The following DLG2 variants were observed in gnomAD, a reference collection of about 807,000 sequenced individuals.
DLG2 encodes the protein disks large homolog 2.
A neutral mutation model predicts 132.5 loss-of-function variants in DLG2; 45 were observed. The observed-to-expected ratio is 0.34, with a 90% CI of 0.27 to 0.44. The LOEUF (loss-of-function observed/expected upper bound fraction) is 0.44, where lower values mean the gene tolerates loss of function less well. Among genes scored for constraint, DLG2 ranks in the 20% least tolerant of loss-of-function variants. The probability of loss-of-function intolerance (pLI) is 1.00; values close to 1 mark genes in which losing one functional copy is unlikely to be tolerated. For missense variants in DLG2, 1,045 were observed against 1,196.9 expected (o/e 0.87, Z 1.87); for synonymous variants, 424 against 419.6 (o/e 1.01, Z -0.13).
intron 7 of DLG2, among the ~76,000 whole-genome samples, chr11:84,320,840 G>A (rs943141350): frequency 1.3e-5 from 2 of 152,238 alleles, no homozygotes; most frequent in African/African-American, 2.4e-5. Flanking sequence ...ATTTGGGTGA[G>A]TGTTGATGGG....
At chr11:84,969,789 C>G (rs959645298) in intron 6 of DLG2, among the ~76,000 whole-genome samples, 2 of 152,076 alleles carry the variant, frequency 1.3e-5, no homozygotes, top group African/African-American at 2.4e-5. Context: ...CAATGACAGA[C>G]TGGATAAAGA....
At chr11:84,471,298 C>A (rs536683962) in intron 7 of DLG2, among the ~76,000 whole-genome samples, 100 of 151,768 alleles carry the variant, frequency 6.6e-4, no homozygotes, top group South Asian at 2.9e-3. Flanking sequence ...CTGTTCACCC[C>A]TTCCCTTTCC....
chr11:84,381,047 A>T (rs1460364894), intron 7 of DLG2, among the ~76,000 whole-genome samples: 1 of 151,996 alleles, frequency 6.6e-6, no homozygotes, highest in Non-Finnish European at 1.5e-5. Flanking sequence ...AAAGGGAGAC[A>T]TATCAAGATA....
chr11:85,023,526 G>A lies in DLG2; in HGVS notation c.357+88135C>T, dbSNP rs1592842126. Among the ~76,000 whole-genome samples, 4 of 151,640 alleles carry A rather than the reference G, an allele frequency of 2.6e-5. No homozygotes were observed. The South Asian group carries it at 8.3e-4, about 31-fold the overall frequency. On this transcript the variant is annotated intron_variant, in intron 6 of 27. Coordinates refer to ENST00000376104, the MANE Select transcript of DLG2 (RefSeq NM_001142699.3). ...TTGTATTAAGATTTTGACCCATTTTGAATTAATATAAATATTTAGAGCACA... is the reference window on the plus strand; with the variant it reads ...TTGTATTAAGATTTTGACCCATTTTAAATTAATATAAATATTTAGAGCACA...
At chr11:83,516,602 G>A (rs1319112783) in intron 21 of DLG2, among the ~76,000 whole-genome samples, 1 of 152,194 alleles carries the variant, frequency 6.6e-6, no homozygotes, top group African/African-American at 2.4e-5. Flanking sequence ...GTTAGTTGAT[G>A]CAGTTTCCTC....
intron 6 of DLG2, among the ~76,000 whole-genome samples, chr11:84,900,389 T>C (rs1336258359): frequency 6.6e-6 from 1 of 152,048 alleles, no homozygotes; most frequent in Non-Finnish European, 1.5e-5. Context: ...TGTTAAACTC[T>C]AACAGGCACT....
At chr11:84,463,344 C>A (rs563246303) in intron 7 of DLG2, among the ~76,000 whole-genome samples, 14 of 151,154 alleles carry the variant, frequency 9.3e-5, no homozygotes, top group African/African-American at 3.4e-4. Flanking sequence ...CCATCCTCCT[C>A]AGGAATATCA....
chr11:85,388,701 C>A (rs1340921404), intron 3 of DLG2, among the ~76,000 whole-genome samples: 2 of 152,166 alleles, frequency 1.3e-5, no homozygotes, highest in African/African-American at 4.8e-5. Context: ...CCAGTACCAG[C>A]CAGAAGCCTG....
At chr11:83,920,305 G>A (rs2077629863) in intron 15 of DLG2, among the ~76,000 whole-genome samples, 1 of 151,780 alleles carries the variant, frequency 6.6e-6, no homozygotes, top group Admixed American at 6.6e-5. Context: ...TGAGCTGAAG[G>A]TCTACAGAAC....
At chr11:83,469,965 T>C (rs940656725) in intron 24 of DLG2, among the ~76,000 whole-genome samples, 1 of 152,130 alleles carries the variant, frequency 6.6e-6, no homozygotes, top group African/African-American at 2.4e-5. Context: ...ACTCTAACCA[T>C]TTCACCTAAA....
intron 4 of DLG2, among the ~76,000 whole-genome samples, chr11:85,200,601 G>C (rs1375877265): frequency 6.6e-6 from 1 of 151,880 alleles, no homozygotes; most frequent in East Asian, 1.9e-4. Context: ...ATATTTCTCT[G>C]AGCCAATAAG....
chr11:85,053,886 G>T (rs926142133), intron 6 of DLG2, among the ~76,000 whole-genome samples: 2 of 151,086 alleles, frequency 1.3e-5, no homozygotes, highest in Non-Finnish European at 2.9e-5. Flanking sequence ...ACAAAAATAT[G>T]GGTCAATTAA....
At chr11:84,777,303 A>ATATATATATATATG in intron 6 of DLG2, among the ~76,000 whole-genome samples, 1 of 132,338 alleles carries the variant, frequency 7.6e-6, no homozygotes, top group Admixed American at 8.0e-5. Flanking sequence ...ATATATATAT[A>ATATATATATATATG]TATATATATA....
At chr11:85,501,079 C>A (rs577236757) in intron 3 of DLG2, among the ~76,000 whole-genome samples, 1 of 152,200 alleles carries the variant, frequency 6.6e-6, no homozygotes, top group African/African-American at 2.4e-5. Context: ...ATATATAAAC[C>A]AATGGAATAG....
intron 6 of DLG2, among the ~76,000 whole-genome samples, chr11:85,024,351 A>G (rs2154141503): frequency 6.6e-6 from 1 of 152,294 alleles, no homozygotes; most frequent in South Asian, 2.1e-4. Flanking sequence ...AACCTTTGTT[A>G]AACAACCTCA....
chr11:83,825,525 T>C (rs1273379031), intron 17 of DLG2, among the ~76,000 whole-genome samples: 1 of 152,084 alleles, frequency 6.6e-6, no homozygotes, highest in Non-Finnish European at 1.5e-5. Context: ...CCGGATTCTA[T>C]GTCAGACAAT....
intron 6 of DLG2, among the ~76,000 whole-genome samples, chr11:84,766,606 G>C (rs764624931): frequency 1.3e-3 from 196 of 152,080 alleles, no homozygotes; most frequent in Admixed American, 1.9e-3. Context: ...GAAATTAACC[G>C]ACTTACTGGA....
intron 7 of DLG2, among the ~76,000 whole-genome samples, chr11:84,338,721 G>A (rs1430401276): frequency 2.0e-5 from 3 of 152,162 alleles, no homozygotes; most frequent in Non-Finnish European, 2.9e-5. Flanking sequence ...CAGGAGAATC[G>A]CTTGAGTCCA....
At chr11:84,124,684 C>A (rs1197811862) in intron 9 of DLG2, among the ~76,000 whole-genome samples, 1 of 152,082 alleles carries the variant, frequency 6.6e-6, no homozygotes, top group Non-Finnish European at 1.5e-5. Flanking sequence ...TAATCAGGGA[C>A]CTCTTTGATT....
Sources: allele counts gnomAD v4.1 joint callset (sites outside exome capture counted in the v4.1 genomes callset), GRCh38; gene constraint gnomAD v4.1.1; transcripts MANE v1.5; gene names NCBI Gene and HGNC (gene_info 2026-07-23, HGNC 2026-07-21).